Variants in TBCE observed in about 807,000 individuals in gnomAD.
The protein encoded by TBCE is tubulin-specific chaperone E.
TBCE carries 53 observed loss-of-function variants against 77.0 expected under a neutral mutation model. The ratio of observed to expected loss-of-function variants is 0.69; its 90% confidence interval spans 0.55 to 0.87. The LOEUF (loss-of-function observed/expected upper bound fraction) is 0.87. Ranked by LOEUF, TBCE falls within the 40% of genes least tolerant of loss-of-function variation. The pLI is 0.00. For missense variants in TBCE, 624 were observed against 622.4 expected (o/e 1.00, Z -0.03); for synonymous variants, 235 against 241.3 (o/e 0.97, Z 0.24).
rs13373864 is a variant in TBCE, at chr1:235,419,761, C to G, written c.460+200C>G. The stretch of plus-strand genomic sequence containing the variant: ...TTGCTTGCAAGTTTGCCAGCATGTT[C>G]AGGTGGAAGTTTCTACACCGGGCTC... On this transcript the variant is annotated intron_variant, in intron 5 of 16. Transcript: ENST00000642610. Among the ~76,000 whole-genome samples, 10,221 of 152,194 alleles carry G rather than the reference C, an allele frequency of 0.067. 648 individuals are homozygous for G. Among genetic ancestry groups the G allele is most frequent in the African/African-American group, 0.17 (6,927 of 41,498 alleles).
chr1:235,427,203 C>G lies in TBCE; in HGVS notation c.524C>G (p.Ala175Gly). 1 of 1,613,962 alleles carries G rather than the reference C, an allele frequency of 6.2e-7. No homozygotes were observed. The highest frequency in any genetic ancestry group is 1.3e-5 in the African/African-American group (1 of 75,064). The stretch of plus-strand genomic sequence containing the variant: ...TCATGGGATGAAGTGATACACATTG[C>G]TGATCAGCTCAGACACCTGGAAGTC... ...LSSWDEVIHIADQLRHLEVLN... is the reference protein window; with the variant it reads ...LSSWDEVIHIGDQLRHLEVLN... Residue 175 changes from alanine (A) to glycine (G), a missense_variant, in exon 6 of 17, where the codon GCT becomes GGT. Coordinates refer to ENST00000642610, the MANE Select transcript of TBCE (RefSeq NM_003193.5).
intron 12 of TBCE, among the ~76,000 whole-genome samples, chr1:235,438,126 C>G (rs1681581894): frequency 6.6e-6 from 1 of 152,254 alleles, no homozygotes; most frequent in African/African-American, 2.4e-5. Flanking sequence ...TCCTTGCCAG[C>G]ACTTTTGTGC....
Position 235,451,621 on chromosome 1 carries a change from A to G in TBCE, c.*2859A>G, listed in dbSNP as rs1033446148. 1.3e-5 allele frequency: 2 copies of G among 152,198 alleles called. No homozygotes were observed. Among genetic ancestry groups the G allele is most frequent in the Non-Finnish European group, 2.9e-5 (2 of 68,032 alleles). 9.4% of individuals were successfully genotyped at this position (152,198 alleles called of 1,614,324 possible). A position where few individuals can be genotyped will look rare whatever the true frequency, so the allele number is the denominator to read the frequency against. ...AAAGAATTATATTCAAAGATGAGACAAAGTACAGCAAAGGAATCAGACTAT... is the reference window on the plus strand; with the variant it reads ...AAAGAATTATATTCAAAGATGAGACGAAGTACAGCAAAGGAATCAGACTAT... On this transcript the variant is annotated 3_prime_UTR_variant, in exon 17 of 17. Transcript: ENST00000642610.
chr1:235,441,589 G>A, intron 13 of TBCE: 1 of 563,656 alleles, frequency 1.8e-6, no homozygotes. Context: ...CAATGAGCTA[G>A]ATAAGCTACA....
At chr1:235,379,641 C>T (rs997166269) in intron 1 of TBCE, among the ~76,000 whole-genome samples, 4 of 151,992 alleles carry the variant, frequency 2.6e-5, no homozygotes, top group Non-Finnish European at 5.9e-5. Flanking sequence ...ACTGACTTCT[C>T]TCCCAAACTT....
intron 1 of TBCE, among the ~76,000 whole-genome samples, chr1:235,374,926 T>C (rs564712963): frequency 3.8e-5 from 5 of 130,916 alleles, no homozygotes; most frequent in Admixed American, 7.3e-5. Flanking sequence ...TTTTCTTTTT[T>C]TTTTTTTTTT....
At position 235,422,515 on chromosome 1, in the gene TBCE, CA is replaced by C. The variant is rs1157728664; in HGVS notation, c.460+2965del. ...TGGGTGACAGAGCAGGACTCCATCT[CA>C]AAAAAAAAAACCAAAAAACAAAAAA... On this transcript the variant is annotated intron_variant, in intron 5 of 16. Transcript: ENST00000642610. Among the ~76,000 whole-genome samples the C allele has an allele frequency of 3.5e-3, 463 of 132,746 alleles. 2 individuals are homozygous for C. The highest frequency in any genetic ancestry group is 5.0e-3 in the African/African-American group (183 of 36,328). The allele number at this position is 132,746 out of a possible 152,430, so 87.1% of individuals were successfully genotyped here. A position where few individuals can be genotyped will look rare whatever the true frequency, so the allele number is the denominator to read the frequency against.
chr1:235,386,838 G>A (rs561782832), intron 2 of TBCE, among the ~76,000 whole-genome samples: 7 of 152,318 alleles, frequency 4.6e-5, no homozygotes, highest in Admixed American at 4.6e-4. Context: ...TCCGTTGCTG[G>A]TGAGGAGCTG....
chr1:235,408,448 A>G (rs1184442538), intron 3 of TBCE, among the ~76,000 whole-genome samples: 1 of 141,006 alleles, frequency 7.1e-6, no homozygotes, highest in East Asian at 2.0e-4. Context: ...TTTTTTTTTT[A>G]ATCAGGAAAT....
chr1:235,448,246 A>T, intron 15 of TBCE, 103 bp from the exon 16 acceptor site: 1 of 831,434 alleles, frequency 1.2e-6, no homozygotes, highest in Non-Finnish European at 2.1e-6. Flanking sequence ...AAAAAGACAG[A>T]TACAGCTATC....
chr1:235,412,134 T>TCCCTTTCCCTTCC (rs1679819926), intron 3 of TBCE, among the ~76,000 whole-genome samples: 1 of 7,044 alleles, frequency 1.4e-4, no homozygotes, highest in Non-Finnish European at 2.6e-4. Context: ...CTTTCCCTTC[T>TCCCTTTCCCTTCC]CCTCCCCTTC....
intron 3 of TBCE, among the ~76,000 whole-genome samples, chr1:235,409,176 A>G (rs1558368194): frequency 6.6e-6 from 1 of 152,276 alleles, no homozygotes; most frequent in African/African-American, 2.4e-5. Flanking sequence ...ACTGGGTTTT[A>G]TGAGCACATG....
Position 235,442,898 on chromosome 1 carries a change from G to A in TBCE, c.1386G>A (p.Glu462=). 1 of 1,614,072 alleles carries A rather than the reference G, an allele frequency of 6.2e-7. No individual in the cohort carries two copies. Among genetic ancestry groups the A allele is most frequent in the Non-Finnish European group, 8.5e-7 (1 of 1,179,990 alleles). The part of the protein sequence containing the change: ...YPHQLDQKVL[E]KQLPGSMTIQ... ...ATCAACTTGATCAGAAAGTCCTGGA[G>A]AAACAACTGCCGGGTAAGAAGAACC... The change falls in exon 15 of 17, where the codon GAG becomes GAA. Residue 462 remains glutamate, a synonymous_variant. Coordinates refer to ENST00000642610, the MANE Select transcript of TBCE (RefSeq NM_003193.5).
chr1:235,449,742 G>A lies in TBCE; in HGVS notation c.*980G>A, dbSNP rs1682776529. 1 of 154,058 alleles carries A rather than the reference G, an allele frequency of 6.5e-6. No individual in the cohort carries two copies. The highest frequency in any genetic ancestry group is 2.4e-5 in the African/African-American group (1 of 41,438). The allele number at this position is 154,058 out of a possible 1,614,324, so 9.5% of individuals were successfully genotyped here. ...CCACTGCTCAAATATGTGATCACAT[G>A]ATCACACAGCATTCCTGTGAGTTCC... is the stretch of plus-strand genomic sequence containing the variant. On this transcript the variant is annotated 3_prime_UTR_variant, in exon 17 of 17. Coordinates refer to ENST00000642610, the MANE Select transcript of TBCE (RefSeq NM_003193.5).
intron 1 of TBCE, among the ~76,000 whole-genome samples, chr1:235,378,205 A>G (rs1677414465): frequency 6.6e-6 from 1 of 152,040 alleles, no homozygotes; most frequent in Non-Finnish European, 1.5e-5. Flanking sequence ...CAACACTGTT[A>G]TCTTTTATTT....
chr1:235,430,826 A>G, intron 7 of TBCE, 22 bp downstream of exon 7: 1 of 1,577,982 alleles, frequency 6.3e-7, no homozygotes, highest in Non-Finnish European at 8.7e-7. Flanking sequence ...TCTTTGTTTT[A>G]TTACACATTA....
intron 11 of TBCE, 106 bp downstream of exon 11, chr1:235,436,714 A>C: frequency 9.1e-7 from 1 of 1,100,650 alleles, no homozygotes; most frequent in Non-Finnish European, 1.4e-6. Context: ...ATTTAAATCG[A>C]AAGAGAAATA....
rs1358453845 is a variant in TBCE at position 235,383,995 on chromosome 1, A to G, written c.100+3846A>G. On this transcript the variant is annotated intron_variant, in intron 2 of 16. Coordinates refer to ENST00000642610, the MANE Select transcript of TBCE (RefSeq NM_003193.5). ...TATTATTTTGAGATATGTCCCATCA[A>G]TACCTAATTTATTGAGAGTTTTTAG... 4.5e-3 allele frequency among the ~76,000 whole-genome samples: 683 copies of G among 152,196 alleles called. 1 individual carries two copies. The highest frequency in any genetic ancestry group is 7.9e-3 in the Non-Finnish European group (540 of 68,002).
At chr1:235,370,512 A>C (rs924080643) in intron 1 of TBCE, among the ~76,000 whole-genome samples, 2 of 149,754 alleles carry the variant, frequency 1.3e-5, no homozygotes, top group African/African-American at 2.5e-5. Context: ...CAGCCTCCCA[A>C]AGTGCTGGGA....
Sources: allele counts gnomAD v4.1 joint callset (sites outside exome capture counted in the v4.1 genomes callset), GRCh38; gene constraint gnomAD v4.1.1; transcripts MANE v1.5; gene names NCBI Gene and HGNC (gene_info 2026-07-23, HGNC 2026-07-21).